Variants in PHYHIPL observed in about 807,000 individuals in gnomAD.
The protein encoded by PHYHIPL is phytanoyl-CoA hydroxylase-interacting protein-like.
Under a neutral mutation model 33.4 loss-of-function variants are expected in PHYHIPL, and 9 were observed. That is an observed-to-expected ratio of 0.27 (90% CI 0.16 to 0.47). PHYHIPL has a LOEUF of 0.47. PHYHIPL is among the 20% of genes least tolerant of loss of function. The pLI is 0.99. For missense variants in PHYHIPL, 365 were observed against 460.7 expected, an observed-to-expected ratio of 0.79 and a Z score of 1.90; for synonymous variants, 153 against 154.1, an observed-to-expected ratio of 0.99 and a Z score of 0.05.
At chr10:59,199,026 A>G (rs1423425262) in intron 1 of PHYHIPL, among the ~76,000 whole-genome samples, 1 of 152,068 alleles carries the variant, frequency 6.6e-6, no homozygotes, top group Non-Finnish European at 1.5e-5. Context: ...CTCTGATGGT[A>G]GTTTCTTTTG....
intron 1 of PHYHIPL, among the ~76,000 whole-genome samples, chr10:59,188,965 T>C (rs1838701838): frequency 6.6e-6 from 1 of 152,124 alleles, no homozygotes; most frequent in South Asian, 2.1e-4. Flanking sequence ...ATGCTATATA[T>C]GCACATGCGT....
chr10:59,188,480 G>A (rs1356921583), intron 1 of PHYHIPL, among the ~76,000 whole-genome samples: 1 of 152,124 alleles, frequency 6.6e-6, no homozygotes. Context: ...TGTCTATTAG[G>A]TCCGCTTGGT....
At chr10:59,196,314 A>C (rs1195951985) in intron 1 of PHYHIPL, among the ~76,000 whole-genome samples, 1 of 151,242 alleles carries the variant, frequency 6.6e-6, no homozygotes, top group Non-Finnish European at 1.5e-5. Context: ...TATAATTTTA[A>C]ATTGCTATTT....
Position 59,245,722 on chromosome 10 carries a change from A to G in PHYHIPL, c.*131A>G, listed in dbSNP as rs886071774. The stretch of plus-strand genomic sequence containing the variant: ...GCCACTGTCACCAAAACAAACAACT[A>G]CCACTTTCCAAATTTCATTCAGAAC... On this transcript the variant is annotated 3_prime_UTR_variant, in exon 5 of 5. Coordinates refer to ENST00000373880, the MANE Select transcript of PHYHIPL (RefSeq NM_032439.4). 15 of 991,096 alleles carry G rather than the reference A, an allele frequency of 1.5e-5. No individual in the cohort carries two copies. Among genetic ancestry groups the G allele is most frequent in the Middle Eastern group, 2.5e-4 (1 of 3,948 alleles). The allele number at this position is 991,096 out of a possible 1,614,324, so 61.4% of individuals were successfully genotyped here.
At chr10:59,180,313 AGTATATATATATATAT>A (rs1564698849) in intron 1 of PHYHIPL, among the ~76,000 whole-genome samples, 1 of 50,580 alleles carries the variant, frequency 2.0e-5, no homozygotes, top group Admixed American at 2.6e-4. Flanking sequence ...ATATAGAAAA[AGTATATATATATATAT>A]ATATATATAT....
upstream of PHYHIPL, among the ~76,000 whole-genome samples, chr10:59,173,932 T>G (rs982544030): frequency 2.7e-3 from 256 of 95,878 alleles, no homozygotes; most frequent in Non-Finnish European, 3.9e-3. Flanking sequence ...TTTTTTTTTT[T>G]TTTTTTTTTT....
intron 4 of PHYHIPL, among the ~76,000 whole-genome samples, chr10:59,238,995 C>T (rs16913322): frequency 0.045 from 6,810 of 151,998 alleles, 249 homozygotes; most frequent in African/African-American, 0.1. Context: ...GGTACACACT[C>T]GTCCTGCTGT....
Position 59,245,488 on chromosome 10 carries a change from G to T in PHYHIPL, c.1028G>T (p.Gly343Val). The T allele has an allele frequency of 6.2e-7, 1 of 1,614,068 alleles. No homozygotes were observed. The highest frequency in any genetic ancestry group is 8.5e-7 in the Non-Finnish European group (1 of 1,180,004). The part of the protein sequence containing the change: ...IYTDPVDLSV[G>V]TVAEITGHQL... ...ACTGACCCTGTGGATCTTTCTGTGG[G>T]CACCGTGGCAGAAATCACTGGTCAT... Residue 343 changes from glycine to valine, a missense_variant, in exon 5 of 5, where the codon GGC becomes GTC. This residue lies in a region of PHYHIPL where 196 missense variants were observed against 224.9 expected (regional missense o/e 0.87). Coordinates refer to ENST00000373880, the MANE Select transcript of PHYHIPL (RefSeq NM_032439.4).
chr10:59,177,510 T>G, intron 1 of PHYHIPL: 1 of 1,551,370 alleles, frequency 6.4e-7, no homozygotes. Flanking sequence ...AGAAAAACAG[T>G]GCATTTCAGC....
chr10:59,183,604 GAAAT>G (rs1328974007), intron 1 of PHYHIPL: 4 of 967,048 alleles, frequency 4.1e-6, no homozygotes, highest in Non-Finnish European at 4.9e-6. Flanking sequence ...CAACAAAGAT[GAAAT>G]AAATCTACAA....
intron 1 of PHYHIPL, among the ~76,000 whole-genome samples, chr10:59,222,786 A>G (rs1374975987): frequency 6.6e-6 from 1 of 152,158 alleles, no homozygotes; most frequent in Non-Finnish European, 1.5e-5. Context: ...AGTGAGTTAG[A>G]AAAGTTATGC....
chr10:59,213,704 A>G (rs966963283), intron 1 of PHYHIPL, among the ~76,000 whole-genome samples: 1 of 152,202 alleles, frequency 6.6e-6, no homozygotes, highest in Admixed American at 6.5e-5. Flanking sequence ...AAGAAAAATA[A>G]TGTTGTGTAA....
At chr10:59,218,346 C>G (rs1839672581) in intron 1 of PHYHIPL, among the ~76,000 whole-genome samples, 1 of 152,128 alleles carries the variant, frequency 6.6e-6, no homozygotes, top group Admixed American at 6.6e-5. Context: ...ATATCATTCT[C>G]CTCATTTATA....
intron 1 of PHYHIPL, among the ~76,000 whole-genome samples, chr10:59,223,705 CT>C (rs1338435936): frequency 3.3e-5 from 5 of 151,902 alleles, no homozygotes; most frequent in Non-Finnish European, 7.4e-5. Flanking sequence ...GTCACCAAGG[CT>C]AGAGTTCAGT....
At chr10:59,217,172 C>T (rs548299171) in intron 1 of PHYHIPL, among the ~76,000 whole-genome samples, 2 of 152,074 alleles carry the variant, frequency 1.3e-5, no homozygotes, top group African/African-American at 2.4e-5. Flanking sequence ...GCAGTAGAGA[C>T]ACTTTTTAGT....
chr10:59,213,960 A>G (rs1403360379), intron 1 of PHYHIPL, among the ~76,000 whole-genome samples: 1 of 152,120 alleles, frequency 6.6e-6, no homozygotes, highest in African/African-American at 2.4e-5. Flanking sequence ...CCCTTCTGCC[A>G]CTAGAAACTC....
chr10:59,196,026 A>G (rs1838904411), intron 1 of PHYHIPL, among the ~76,000 whole-genome samples: 1 of 152,180 alleles, frequency 6.6e-6, no homozygotes, highest in Non-Finnish European at 1.5e-5. Flanking sequence ...TGCATGAGGT[A>G]CATGTGTATA....
chr10:59,192,893 A>G (rs1439371618), intron 1 of PHYHIPL, among the ~76,000 whole-genome samples: 1 of 152,180 alleles, frequency 6.6e-6, no homozygotes, highest in African/African-American at 2.4e-5. Context: ...TTTCTGGACC[A>G]GTTAGATTTC....
intron 1 of PHYHIPL, among the ~76,000 whole-genome samples, chr10:59,211,190 T>C (rs1389795450): frequency 6.6e-6 from 1 of 151,772 alleles, no homozygotes; most frequent in Non-Finnish European, 1.5e-5. Context: ...CTGGGGAACA[T>C]AGTGAGACCC....
Sources: allele counts gnomAD v4.1 joint callset (sites outside exome capture counted in the v4.1 genomes callset), GRCh38; gene constraint gnomAD v4.1.1; regional missense constraint gnomAD v4.1.1; transcripts MANE v1.5; gene names NCBI Gene and HGNC (gene_info 2026-07-23, HGNC 2026-07-21).